The following ADAMTSL1 variants were observed in gnomAD, a reference collection of about 807,000 sequenced individuals.
ADAMTSL1 encodes the protein ADAMTS-like protein 1.
A neutral mutation model predicts 201.8 loss-of-function variants in ADAMTSL1; 126 were observed. That is an observed-to-expected ratio of 0.62 (90% CI 0.54 to 0.72). The LOEUF (loss-of-function observed/expected upper bound fraction) is 0.72, where lower values mean the gene tolerates loss of function less well. ADAMTSL1 is among the 30% of genes least tolerant of loss of function. The probability of loss-of-function intolerance (pLI) is 0.00; values close to 1 mark genes in which losing one functional copy is unlikely to be tolerated. For synonymous variants in ADAMTSL1, 1,121 were observed against 903.4 expected, an observed-to-expected ratio of 1.24 and a Z score of -4.32; for missense variants, 2,679 against 2,277.8, an observed-to-expected ratio of 1.18 and a Z score of -3.59.
In ADAMTSL1 at chr9:18,457,757, T is replaced by TA. The variant is rs200216804; in HGVS notation, c.208-47071dup. 8.4e-3 allele frequency among the ~76,000 whole-genome samples: 1,279 copies of TA among 152,316 alleles called. 9 individuals carry two copies. Among genetic ancestry groups the TA allele is most frequent in the Admixed American group, 0.012 (191 of 15,304 alleles). On this transcript the variant is annotated intron_variant, in intron 2 of 29. Coordinates refer to the ADAMTSL1 transcript ENST00000680146. ...GGTATGCTGAGGAGGAAAGAGGAGT[T>TA]AGAGAAAGTGATAATGCTTTTCCTT... is the stretch of plus-strand genomic sequence containing the variant.
chr9:18,617,480 T>C (rs539372663), intron 4 of ADAMTSL1, among the ~76,000 whole-genome samples: 29 of 146,316 alleles, frequency 2.0e-4, no homozygotes, highest in Admixed American at 6.2e-4. Context: ...GCTATGATCC[T>C]AGTTTATTTT....
At chr9:18,300,171 T>C (rs969805470) in intron 2 of ADAMTSL1, among the ~76,000 whole-genome samples, 14 of 152,214 alleles carry the variant, frequency 9.2e-5, no homozygotes, top group Non-Finnish European at 1.6e-4. Context: ...TGTATGTTTA[T>C]TGCAGCACTA....
intron 1 of ADAMTSL1, among the ~76,000 whole-genome samples, chr9:18,068,089 G>T (rs953955780): frequency 6.6e-6 from 1 of 152,136 alleles, no homozygotes; most frequent in Non-Finnish European, 1.5e-5. Flanking sequence ...GGTCCTGCCC[G>T]GAGGCATAGT....
At chr9:18,833,890 T>C (rs1365267762) in intron 23 of ADAMTSL1, among the ~76,000 whole-genome samples, 1 of 152,232 alleles carries the variant, frequency 6.6e-6, no homozygotes, top group East Asian at 1.9e-4. Flanking sequence ...GGGACTCAGT[T>C]TTAATCTTCT....
intron 13 of ADAMTSL1, among the ~76,000 whole-genome samples, chr9:18,696,454 G>T (rs1027455829): frequency 6.6e-6 from 1 of 152,188 alleles, no homozygotes; most frequent in Non-Finnish European, 1.5e-5. Context: ...AACCTTGGGA[G>T]AAAGTTTGTC....
At chr9:18,531,100 G>A (rs1260833429) in intron 2 of ADAMTSL1, among the ~76,000 whole-genome samples, 2 of 152,166 alleles carry the variant, frequency 1.3e-5, no homozygotes, top group East Asian at 1.9e-4. Context: ...TCTTAGGGGT[G>A]TACTCACAAT....
chr9:18,326,103 G>T (rs1373563486), intron 2 of ADAMTSL1, among the ~76,000 whole-genome samples: 1 of 152,114 alleles, frequency 6.6e-6, no homozygotes, highest in African/African-American at 2.4e-5. Context: ...CCTTGTAAAG[G>T]CCCCACCTCT....
intron 1 of ADAMTSL1, among the ~76,000 whole-genome samples, chr9:18,111,361 G>T (rs568015451): frequency 6.6e-6 from 1 of 152,096 alleles, no homozygotes; most frequent in African/African-American, 2.4e-5. Flanking sequence ...TTCACTTAAT[G>T]TCTAAAGCTT....
At chr9:18,329,166 C>T (rs1324511048) in intron 2 of ADAMTSL1, among the ~76,000 whole-genome samples, 1 of 152,082 alleles carries the variant, frequency 6.6e-6, no homozygotes, top group Non-Finnish European at 1.5e-5. Flanking sequence ...TTTGCCCCTT[C>T]TACCCGTGAG....
chr9:18,424,916 C>T (rs919488958), intron 2 of ADAMTSL1, among the ~76,000 whole-genome samples: 1 of 152,102 alleles, frequency 6.6e-6, no homozygotes, highest in Middle Eastern at 3.2e-3. Flanking sequence ...GTCTTTTGGT[C>T]TTCAGATGAC....
chr9:18,872,983 A>G (rs906797910), intron 23 of ADAMTSL1, among the ~76,000 whole-genome samples: 3 of 152,154 alleles, frequency 2.0e-5, no homozygotes, highest in African/African-American at 7.2e-5. Flanking sequence ...GCCAACATCT[A>G]TTATTTTTTG....
chr9:18,533,142 G>A, intron 2 of ADAMTSL1, 105 bp from the exon 3 acceptor site: 2 of 776,308 alleles, frequency 2.6e-6, no homozygotes, highest in Non-Finnish European at 4.1e-6. Flanking sequence ...TAGAAGAAAA[G>A]AGAGGCCCTT....
intron 2 of ADAMTSL1, among the ~76,000 whole-genome samples, chr9:18,245,897 C>G (rs2891127): frequency 0.1 from 15,183 of 152,110 alleles, 989 homozygotes; most frequent in South Asian, 0.2. Flanking sequence ...ACCTTAGAAA[C>G]TAAAGTATCA....
At chr9:18,558,793 G>A (rs1330988975) in intron 3 of ADAMTSL1, among the ~76,000 whole-genome samples, 1 of 151,970 alleles carries the variant, frequency 6.6e-6, no homozygotes, top group Non-Finnish European at 1.5e-5. Flanking sequence ...ATGTTTGTTG[G>A]CCACATAAAT....
At chr9:18,735,931 A>T (rs1437194065) in intron 15 of ADAMTSL1, among the ~76,000 whole-genome samples, 2 of 149,934 alleles carry the variant, frequency 1.3e-5, no homozygotes, top group Non-Finnish European at 3.0e-5. Flanking sequence ...TGGGCAACAG[A>T]CCCCCCACCT....
Position 17,976,575 on chromosome 9 carries a change from A to G in ADAMTSL1, c.87+69653A>G, listed in dbSNP as rs988105458. Reference sequence around the variant, plus strand: ...GTACAGAAACATAGCTGGTTTCTGTATGTTGATTTTGTATCTGCAACTTTA... The same window carrying G: ...GTACAGAAACATAGCTGGTTTCTGTGTGTTGATTTTGTATCTGCAACTTTA... On this transcript the variant is annotated intron_variant, in intron 1 of 29. Transcript: ENST00000680146. 3.9e-5 allele frequency among the ~76,000 whole-genome samples: 6 copies of G among 151,936 alleles called. No homozygotes were observed. In the East Asian group the frequency reaches 5.8e-4, roughly 15 times the overall value.
chr9:17,932,786 G>T (rs1004246581), intron 1 of ADAMTSL1, among the ~76,000 whole-genome samples: 2 of 152,088 alleles, frequency 1.3e-5, no homozygotes, highest in South Asian at 4.1e-4. Flanking sequence ...TCTCCATGTT[G>T]TCCTTTTTTG....
chr9:18,231,547 A>C (rs1830646134), intron 2 of ADAMTSL1, among the ~76,000 whole-genome samples: 1 of 151,982 alleles, frequency 6.6e-6, no homozygotes, highest in African/African-American at 2.4e-5. Flanking sequence ...AGGGCTCACA[A>C]CTTGAATTGT....
intron 1 of ADAMTSL1, among the ~76,000 whole-genome samples, chr9:18,094,358 T>A (rs1283908451): frequency 6.6e-6 from 1 of 152,218 alleles, no homozygotes; most frequent in Non-Finnish European, 1.5e-5. Context: ...CCATATATAC[T>A]ACCACTGTGT....
Sources: allele counts gnomAD v4.1 joint callset (sites outside exome capture counted in the v4.1 genomes callset), GRCh38; gene constraint gnomAD v4.1.1; transcripts MANE v1.5; gene names NCBI Gene and HGNC (gene_info 2026-07-23, HGNC 2026-07-21).